FGF13: variants seen among roughly 807,000 people sequenced by gnomAD.
The protein encoded by FGF13 is fibroblast growth factor 13, also known as fibroblast growth factor homologous factor 2.
In FGF13, 2 loss-of-function variants were observed where a neutral mutation model predicts 19.5. The ratio of observed to expected loss-of-function variants is 0.10; its 90% confidence interval spans 0.04 to 0.32. The LOEUF is 0.32. Among genes scored for constraint, FGF13 ranks in the 10% least tolerant of loss-of-function variants. The pLI, the probability that FGF13 is intolerant of heterozygous loss-of-function variation, is 1.00. For synonymous variants in FGF13, 72 were observed against 76.9 expected (o/e 0.94, Z 0.33); for missense variants, 113 against 192.7 (o/e 0.59, Z 2.45).
intron 1 of FGF13, among the ~76,000 whole-genome samples, chrX:138,910,327 A>T (rs912087891): frequency 3.6e-5 from 4 of 111,057 alleles, no homozygotes; most frequent in Admixed American, 9.6e-5. Context: ...GAAAAGACCA[A>T]GTTACAAGAA....
At chrX:138,751,574 C>T (rs1478346447) in intron 3 of FGF13, among the ~76,000 whole-genome samples, 1 of 111,870 alleles carries the variant, frequency 8.9e-6, no homozygotes. Context: ...AAAGGCACTA[C>T]TTTTGGAGAT....
chrX:139,029,982 A>G (rs978740162), intron 1 of FGF13, among the ~76,000 whole-genome samples: 6 of 111,786 alleles, frequency 5.4e-5, no homozygotes, highest in African/African-American at 1.9e-4. Flanking sequence ...CTCTGCAATT[A>G]TAGTGCAAAT....
At chrX:139,156,607 G>A (rs1220749849) in intron 1 of FGF13, among the ~76,000 whole-genome samples, 1 of 112,322 alleles carries the variant, frequency 8.9e-6, no homozygotes, top group Non-Finnish European at 1.9e-5. Context: ...AAAGCCCACA[G>A]GCTTAAGTCG....
intron 1 of FGF13, among the ~76,000 whole-genome samples, chrX:138,969,219 A>C (rs1357045266): frequency 3.6e-5 from 4 of 111,913 alleles, no homozygotes; most frequent in Non-Finnish European, 7.5e-5. Context: ...AGGTAGTAGG[A>C]AAGATGGAGG....
At position 138,793,308 on chromosome X, in the gene FGF13, T is replaced by C. The variant is rs1292659817; in HGVS notation, c.217+64204A>G. ...TGTTACGGCAACCACAGGAAACTACTACGTGCTCTGAGCATGGTTTAAGGT... is the reference window on the plus strand; with the variant it reads ...TGTTACGGCAACCACAGGAAACTACCACGTGCTCTGAGCATGGTTTAAGGT... On this transcript the variant is annotated intron_variant, in intron 3 of 6. Coordinates refer to the FGF13 transcript ENST00000436198. Among the ~76,000 whole-genome samples the C allele has an allele frequency of 2.7e-5, 3 of 111,989 alleles. No individual in the cohort carries two copies. The South Asian group carries it at 1.1e-3, about 42-fold the overall frequency.
At chrX:138,879,642 A>G (rs865957338) in intron 1 of FGF13, among the ~76,000 whole-genome samples, 13 of 111,244 alleles carry the variant, frequency 1.2e-4, no homozygotes, top group South Asian at 3.8e-4. Context: ...ATTTCTCCTA[A>G]TGCTATCCCT....
At chrX:138,907,715 T>C (rs1569421783) in intron 1 of FGF13, among the ~76,000 whole-genome samples, 1 of 111,577 alleles carries the variant, frequency 9.0e-6, no homozygotes, top group East Asian at 2.8e-4. Flanking sequence ...GCCATTTTGG[T>C]GATCTATTTA....
At chrX:138,946,326 C>T (rs763740162) in intron 1 of FGF13, among the ~76,000 whole-genome samples, 2 of 111,680 alleles carry the variant, frequency 1.8e-5, no homozygotes, top group Non-Finnish European at 3.8e-5. Context: ...AGAAAAGAGC[C>T]GCTGGATCTC....
At position 138,918,035 on chromosome X, in the gene FGF13, T is replaced by C. The variant is rs1385823171; in HGVS notation, c.-112-53385A>G. ...GGAATTTTATAGAGTCTGATCCATC[T>C]CCCTTGGAAAGAACATGTGTCTGTG... is the stretch of plus-strand genomic sequence containing the variant. On this transcript the variant is annotated intron_variant, in intron 1 of 2. Coordinates refer to the FGF13 transcript ENST00000421460. Among the ~76,000 whole-genome samples the C allele has an allele frequency of 2.7e-5, 3 of 111,216 alleles. No individual in the cohort carries two copies. In the East Asian group the frequency reaches 8.5e-4, roughly 31 times the overall value.
At chrX:139,176,796 C>G (rs2148267408) in intron 1 of FGF13, among the ~76,000 whole-genome samples, 1 of 111,753 alleles carries the variant, frequency 8.9e-6, no homozygotes, top group Admixed American at 9.5e-5. Flanking sequence ...GATTTCCATT[C>G]TTTTGCATTT....
chrX:138,680,169 C>G (rs183499505), intron 3 of FGF13, among the ~76,000 whole-genome samples: 2 of 111,991 alleles, frequency 1.8e-5, no homozygotes, highest in East Asian at 5.6e-4. Context: ...AGTTCTCTAG[C>G]TGCTTCCATG....
At chrX:139,166,656 T>C (rs1422347069) in intron 1 of FGF13, among the ~76,000 whole-genome samples, 1 of 111,264 alleles carries the variant, frequency 9.0e-6, no homozygotes, top group Non-Finnish European at 1.9e-5. Flanking sequence ...TGTTGGGAAG[T>C]GAGGCCTAAT....
At chrX:139,065,481 C>CA (rs767805587) in intron 1 of FGF13, among the ~76,000 whole-genome samples, 2,455 of 30,623 alleles carry the variant, frequency 0.08, 51 homozygotes, top group Non-Finnish European at 0.092. Context: ...AAACGGAAAG[C>CA]AAAAAAAAAA....
intron 3 of FGF13, among the ~76,000 whole-genome samples, chrX:138,745,281 C>T (rs774014512): frequency 9.0e-6 from 1 of 111,636 alleles, no homozygotes; most frequent in African/African-American, 3.3e-5. Flanking sequence ...AAGCCTTGTC[C>T]GAGGCATACA....
intron 1 of FGF13, among the ~76,000 whole-genome samples, chrX:139,164,093 C>CTTTT (rs56733431): frequency 6.4e-5 from 6 of 93,759 alleles, no homozygotes; most frequent in African/African-American, 1.5e-4. Flanking sequence ...GCTGAGTTTT[C>CTTTT]TTTTTTTTTT....
At chrX:138,691,866 T>C (rs1198761929) in intron 3 of FGF13, among the ~76,000 whole-genome samples, 1 of 112,066 alleles carries the variant, frequency 8.9e-6, no homozygotes, top group East Asian at 2.8e-4. Context: ...ATAGATGTGT[T>C]ATCTACTCAC....
intron 1 of FGF13, among the ~76,000 whole-genome samples, chrX:139,172,390 T>C (rs1228869725): frequency 9.0e-6 from 1 of 111,410 alleles, no homozygotes; most frequent in Non-Finnish European, 1.9e-5. Flanking sequence ...CTGATTCAAA[T>C]ATGGGGCTTG....
At chrX:138,858,166 C>T (rs2091269411) in intron 2 of FGF13, among the ~76,000 whole-genome samples, 1 of 112,146 alleles carries the variant, frequency 8.9e-6, no homozygotes, top group Admixed American at 9.5e-5. Context: ...CTGCTCTTTA[C>T]TCTTTTGATT....
At chrX:138,877,172 C>G (rs1889802872) in intron 1 of FGF13, among the ~76,000 whole-genome samples, 1 of 109,209 alleles carries the variant, frequency 9.2e-6, no homozygotes, top group Non-Finnish European at 1.9e-5. Flanking sequence ...GTGCAGCAAA[C>G]CACCATGGCA....
Sources: allele counts gnomAD v4.1 joint callset (sites outside exome capture counted in the v4.1 genomes callset), GRCh38; gene constraint gnomAD v4.1.1; transcripts MANE v1.5; gene names NCBI Gene and HGNC (gene_info 2026-07-23, HGNC 2026-07-21).